Variants in PLD1 observed in about 807,000 individuals in gnomAD.
The protein encoded by PLD1 is phospholipase D1.
PLD1 carries 112 observed loss-of-function variants against 137.1 expected under a neutral mutation model. The ratio of observed to expected loss-of-function variants is 0.82; its 90% CI spans 0.70 to 0.96. PLD1 has a LOEUF of 0.96. Ranked by LOEUF, PLD1 falls within the 40% of genes least tolerant of loss-of-function variation. PLD1 has a pLI of 0.00. For missense variants in PLD1, 1,321 were observed against 1,342.0 expected (o/e 0.98, Z 0.24); for synonymous variants, 431 against 454.7 (o/e 0.95, Z 0.66).
intron 1 of PLD1, among the ~76,000 whole-genome samples, chr3:171,808,169 T>A (rs1723932058): frequency 1.3e-5 from 2 of 152,050 alleles, no homozygotes; most frequent in African/African-American, 4.8e-5. Context: ...CAACCTCAGC[T>A]GCATGCTGTA....
chr3:171,747,936 A>G (rs1720362098), intron 1 of PLD1, among the ~76,000 whole-genome samples: 1 of 152,220 alleles, frequency 6.6e-6, no homozygotes, highest in African/African-American at 2.4e-5. Context: ...AAAACTGAAA[A>G]TTAAAATATC....
At chr3:171,636,045 T>A (rs1265339191) in intron 23 of PLD1, among the ~76,000 whole-genome samples, 1 of 146,952 alleles carries the variant, frequency 6.8e-6, no homozygotes, top group Non-Finnish European at 1.5e-5. Context: ...AAAAGACTAT[T>A]CTTTCTCCAT....
intron 1 of PLD1, among the ~76,000 whole-genome samples, chr3:171,806,022 T>C (rs1723832680): frequency 6.6e-6 from 1 of 152,108 alleles, no homozygotes; most frequent in South Asian, 2.1e-4. Flanking sequence ...CAAAATAAAA[T>C]ACAGTAAAAC....
chr3:171,626,940 A>G (rs1019974333), intron 23 of PLD1, among the ~76,000 whole-genome samples: 1 of 152,230 alleles, frequency 6.6e-6, no homozygotes, highest in Non-Finnish European at 1.5e-5. Flanking sequence ...CTAGGAAGTA[A>G]CTACATCAAC....
chr3:171,619,219 T>G (rs1456263918), intron 24 of PLD1, among the ~76,000 whole-genome samples: 1 of 152,192 alleles, frequency 6.6e-6, no homozygotes, highest in Non-Finnish European at 1.5e-5. Context: ...ATTTATACTC[T>G]ATCATCCTGG....
intron 22 of PLD1, among the ~76,000 whole-genome samples, chr3:171,644,228 C>T (rs1736007392): frequency 6.6e-6 from 1 of 152,182 alleles, no homozygotes; most frequent in African/African-American, 2.4e-5. Flanking sequence ...GTCAGAGGTG[C>T]ATTTCCATCC....
At chr3:171,782,249 T>G (rs1234319365) in intron 1 of PLD1, among the ~76,000 whole-genome samples, 1 of 152,198 alleles carries the variant, frequency 6.6e-6, no homozygotes, top group Non-Finnish European at 1.5e-5. Flanking sequence ...GAGGGTGGTC[T>G]GGGGACTAAC....
At chr3:171,760,606 A>G (rs1002838661) in intron 1 of PLD1, among the ~76,000 whole-genome samples, 1 of 152,234 alleles carries the variant, frequency 6.6e-6, no homozygotes, top group African/African-American at 2.4e-5. Flanking sequence ...GAAGCACAGC[A>G]AAGTCTGGGG....
intron 11 of PLD1, among the ~76,000 whole-genome samples, chr3:171,707,282 C>T (rs961049053): frequency 6.6e-6 from 1 of 152,136 alleles, no homozygotes; most frequent in Non-Finnish European, 1.5e-5. Context: ...TTTAACAAAC[C>T]TGCAGTTGTA....
chr3:171,716,860 G>T (rs1717721656), intron 8 of PLD1, among the ~76,000 whole-genome samples: 1 of 152,064 alleles, frequency 6.6e-6, no homozygotes, highest in Non-Finnish European at 1.5e-5. Context: ...GTCTTCCAGG[G>T]TTTTTATAGT....
rs369215094 is a variant in PLD1 at position 171,639,716 on chromosome 3, T to C, written c.2593+3124A>G. 6.2e-5 allele frequency among the ~76,000 whole-genome samples: 8 copies of C among 129,678 alleles called. No homozygotes were observed. The South Asian group carries it at 8.8e-4, about 14-fold the overall frequency. The allele number at this position is 129,678 out of a possible 152,430, so 85.1% of individuals were successfully genotyped here. On this transcript the variant is annotated intron_variant, in intron 23 of 26. Coordinates refer to ENST00000351298, the MANE Select transcript of PLD1 (RefSeq NM_002662.5). ...TCATATAATATATATTATATAAATA[T>C]ATAAACATATATTCATACATATATC...
At chr3:171,801,538 C>T (rs1723646605) in intron 1 of PLD1, among the ~76,000 whole-genome samples, 1 of 152,254 alleles carries the variant, frequency 6.6e-6, no homozygotes, top group Non-Finnish European at 1.5e-5. Flanking sequence ...AAGCAATTCT[C>T]CTGCCTCAGC....
In PLD1 at chr3:171,659,276, T is replaced by C; in HGVS notation, c.2366A>G (p.Asp789Gly). The C allele has an allele frequency of 6.2e-7, 1 of 1,613,132 alleles. No individual in the cohort carries two copies. Among genetic ancestry groups the C allele is most frequent in the Middle Eastern group, 1.6e-4 (1 of 6,062 alleles). Residue 789 changes from aspartate (D) to glycine (G), a missense_variant, in exon 21 of 27, where the codon GAT becomes GGT. Transcript: ENST00000351298. The stretch of plus-strand genomic sequence containing the variant: ...TATCTTGTTGAACACAACTTTGTCA[T>C]CAGCACAGCTTATGAAAAACTGGTT... ...IENQFFISCADDKVVFNKIGD... is the reference protein window; with the variant it reads ...IENQFFISCAGDKVVFNKIGD...
chr3:171,708,883 A>C, intron 10 of PLD1, 45 bp from the exon 11 acceptor site: 1 of 1,254,908 alleles, frequency 8.0e-7, no homozygotes, highest in South Asian at 1.2e-5. Flanking sequence ...AAAAAAGAAA[A>C]GAAAAGAAAC....
chr3:171,701,385 T>G (rs1716221727), intron 11 of PLD1, among the ~76,000 whole-genome samples: 1 of 152,194 alleles, frequency 6.6e-6, no homozygotes, highest in Non-Finnish European at 1.5e-5. Context: ...GCACTGCTAG[T>G]TCACCAAAAG....
At chr3:171,656,271 A>C (rs2108420396) in intron 21 of PLD1, among the ~76,000 whole-genome samples, 1 of 152,078 alleles carries the variant, frequency 6.6e-6, no homozygotes, top group South Asian at 2.1e-4. Context: ...CCTGGGTTCA[A>C]GCAGTTCTCC....
chr3:171,620,912 T>A (rs544209909), intron 23 of PLD1, among the ~76,000 whole-genome samples: 1 of 152,088 alleles, frequency 6.6e-6, no homozygotes, highest in Non-Finnish European at 1.5e-5. Flanking sequence ...TGAGCTGGAA[T>A]AGATTAACCA....
chr3:171,792,887 G>A, intron 1 of PLD1: 9 of 335,968 alleles, frequency 2.7e-5, no homozygotes, highest in South Asian at 1.8e-4. Flanking sequence ...AAAGCCCTTT[G>A]GCCCACGGTC....
At chr3:171,792,238 C>A (rs1446077446) in intron 1 of PLD1, 1 of 232,972 alleles carries the variant, frequency 4.3e-6, no homozygotes. Flanking sequence ...TCATGCTTTT[C>A]TACCTTGCAT....
Sources: gnomAD v4.1 joint callset for allele counts (sites outside exome capture counted in the v4.1 genomes callset) on GRCh38, gnomAD v4.1.1 for gene constraint, MANE v1.5 for transcripts, NCBI Gene and HGNC (gene_info 2026-07-23, HGNC 2026-07-21) for gene names.